NEGR1: variants seen among roughly 807,000 people sequenced by gnomAD.
The protein encoded by NEGR1 is IgLON family member 4.
In NEGR1, 10 loss-of-function variants were observed where a neutral mutation model predicts 40.9. The ratio of observed to expected loss-of-function variants is 0.24; its 90% CI spans 0.15 to 0.42. The LOEUF is 0.42. Ranked by LOEUF, NEGR1 falls within the 10% of genes least tolerant of loss-of-function variation. The pLI, the probability that NEGR1 is intolerant of heterozygous loss-of-function variation, is 1.00. For missense variants in NEGR1, 352 were observed against 438.9 expected (o/e 0.80, Z 1.77); for synonymous variants, 185 against 166.8 (o/e 1.11, Z -0.84).
rs1660351987 is a variant in NEGR1, at chr1:71,873,929, G to GA, written c.409+61149dup. On this transcript the variant is annotated intron_variant, in intron 2 of 6. Transcript: ENST00000357731. ...AGACAGTAGCAAAATTAGGCATTTG[G>GA]AAAAATCAGAGTAAGAAAGGCATTT... Among the ~76,000 whole-genome samples, 4 of 152,108 alleles carry GA rather than the reference G, an allele frequency of 2.6e-5. No homozygotes were observed. The South Asian group carries it at 8.3e-4, about 32-fold the overall frequency.
At chr1:71,535,378 A>G (rs1285078536) in intron 6 of NEGR1, among the ~76,000 whole-genome samples, 1 of 151,744 alleles carries the variant, frequency 6.6e-6, no homozygotes, top group South Asian at 2.1e-4. Flanking sequence ...AGCTATCCCA[A>G]TGAACCAAGC....
intron 6 of NEGR1, among the ~76,000 whole-genome samples, chr1:71,436,603 G>A (rs1390914974): frequency 6.6e-6 from 1 of 152,154 alleles, no homozygotes; most frequent in African/African-American, 2.4e-5. Context: ...CAGAAATTAT[G>A]TTGTATTTCT....
chr1:71,867,508 T>G (rs951828532), intron 2 of NEGR1, among the ~76,000 whole-genome samples: 3 of 152,176 alleles, frequency 2.0e-5, no homozygotes, highest in African/African-American at 7.2e-5. Context: ...AAAAAGATAT[T>G]TAACAGTTGT....
At chr1:71,465,042 T>C (rs1294465392) in intron 6 of NEGR1, among the ~76,000 whole-genome samples, 1 of 152,104 alleles carries the variant, frequency 6.6e-6, no homozygotes, top group African/African-American at 2.4e-5. Flanking sequence ...AAGTCTAGGA[T>C]CATTCTGAGG....
chr1:72,088,796 C>CTCTTT (rs1477735559), intron 1 of NEGR1, among the ~76,000 whole-genome samples: 7 of 74,898 alleles, frequency 9.3e-5, no homozygotes, highest in African/African-American at 3.3e-4. Context: ...CTCTCTCTCT[C>CTCTTT]TTTTTTTTTT....
At chr1:72,005,904 G>A (rs964768922) in intron 1 of NEGR1, among the ~76,000 whole-genome samples, 4 of 152,056 alleles carry the variant, frequency 2.6e-5, no homozygotes, top group Non-Finnish European at 5.9e-5. Flanking sequence ...ATACAATAAT[G>A]TTAAATATAC....
At chr1:71,554,743 G>T (rs1648200796) in intron 6 of NEGR1, among the ~76,000 whole-genome samples, 1 of 151,376 alleles carries the variant, frequency 6.6e-6, no homozygotes, top group South Asian at 2.1e-4. Context: ...CTTAATCAAA[G>T]AATACATTTT....
intron 6 of NEGR1, among the ~76,000 whole-genome samples, chr1:71,568,447 G>A (rs1330805916): frequency 6.6e-6 from 1 of 152,170 alleles, no homozygotes; most frequent in Non-Finnish European, 1.5e-5. Flanking sequence ...GAGTCCCTGA[G>A]GACCTTGGAG....
At chr1:71,861,911 G>A (rs1264580415) in intron 2 of NEGR1, among the ~76,000 whole-genome samples, 1 of 151,926 alleles carries the variant, frequency 6.6e-6, no homozygotes. Context: ...CCTGCCAGGA[G>A]ACATTTAAAA....
Position 71,708,310 on chromosome 1 carries a change from T to C in NEGR1, c.536-10171A>G, listed in dbSNP as rs182246286. Among the ~76,000 whole-genome samples the C allele has an allele frequency of 7.1e-4, 107 of 150,918 alleles. No individual in the cohort carries two copies. In the South Asian group the frequency reaches 8.9e-3, roughly 13 times the overall value. ...CCATCAGATAAATTTAATTATGAGA[T>C]TGAAATAATTAAAAAGAATCAAGCA... On this transcript the variant is annotated intron_variant, in intron 3 of 6. Coordinates refer to ENST00000357731, the MANE Select transcript of NEGR1 (RefSeq NM_173808.3).
intron 1 of NEGR1, among the ~76,000 whole-genome samples, chr1:72,039,455 C>G (rs1487503084): frequency 6.6e-6 from 1 of 151,948 alleles, no homozygotes; most frequent in Admixed American, 6.6e-5. Context: ...TTTCAGTAGT[C>G]TCTTGGTAAA....
chr1:71,447,370 C>A (rs1646589996), intron 6 of NEGR1, among the ~76,000 whole-genome samples: 1 of 152,126 alleles, frequency 6.6e-6, no homozygotes, highest in Admixed American at 6.5e-5. Flanking sequence ...TACAAATGCC[C>A]ATTGATATAA....
chr1:71,455,763 T>G (rs1646668372), intron 6 of NEGR1, among the ~76,000 whole-genome samples: 1 of 152,328 alleles, frequency 6.6e-6, no homozygotes, highest in Non-Finnish European at 1.5e-5. Flanking sequence ...TACTTTTATC[T>G]GCACTTTATT....
At chr1:72,093,394 A>G (rs1648572064) in intron 1 of NEGR1, among the ~76,000 whole-genome samples, 1 of 151,892 alleles carries the variant, frequency 6.6e-6, no homozygotes, top group South Asian at 2.1e-4. Flanking sequence ...TATTAAACTA[A>G]CAATTTCACA....
At chr1:71,960,876 C>G (rs888393834) in intron 1 of NEGR1, among the ~76,000 whole-genome samples, 21 of 151,928 alleles carry the variant, frequency 1.4e-4, no homozygotes, top group African/African-American at 4.8e-4. Flanking sequence ...TGTAGAAATG[C>G]AAAAATGTCT....
chr1:71,745,833 A>G (rs921183619), intron 3 of NEGR1, among the ~76,000 whole-genome samples: 5 of 152,160 alleles, frequency 3.3e-5, no homozygotes, highest in Admixed American at 1.3e-4. Flanking sequence ...TCCCAAAGCC[A>G]ACCATAAAGC....
intron 1 of NEGR1, among the ~76,000 whole-genome samples, chr1:72,277,024 C>G (rs898874953): frequency 6.6e-6 from 1 of 151,918 alleles, no homozygotes; most frequent in Non-Finnish European, 1.5e-5. Context: ...GAAGTTGGAA[C>G]AAAAAAGGTT....
At chr1:71,844,154 G>A (rs376086077) in intron 2 of NEGR1, among the ~76,000 whole-genome samples, 1 of 152,170 alleles carries the variant, frequency 6.6e-6, no homozygotes, top group Non-Finnish European at 1.5e-5. Flanking sequence ...TTCCCCAAAT[G>A]TCAGGTAGCA....
chr1:72,153,083 C>T (rs111730884), intron 1 of NEGR1, among the ~76,000 whole-genome samples: 1,555 of 151,778 alleles, frequency 0.01, 10 homozygotes, highest in Middle Eastern at 0.034. Flanking sequence ...GCATTGTTCC[C>T]ATGTACCAAA....
Sources: gnomAD v4.1 joint callset for allele counts (sites outside exome capture counted in the v4.1 genomes callset) on GRCh38, gnomAD v4.1.1 for gene constraint, MANE v1.5 for transcripts, NCBI Gene and HGNC (gene_info 2026-07-23, HGNC 2026-07-21) for gene names.